The following MED12L variants were observed in gnomAD, a reference collection of about 807,000 sequenced individuals.
MED12L encodes the protein mediator complex subunit 12L, also known as mediator of RNA polymerase II transcription subunit 12-like protein.
A neutral mutation model predicts 281.3 loss-of-function variants in MED12L; 60 were observed. The observed-to-expected ratio is 0.21, with a 90% CI of 0.17 to 0.26. The LOEUF (loss-of-function observed/expected upper bound fraction) is 0.26. Among genes scored for constraint, MED12L ranks in the 10% least tolerant of loss-of-function variants. MED12L has a pLI of 1.00. For synonymous variants in MED12L, 974 were observed against 987.2 expected, an observed-to-expected ratio of 0.99 and a Z score of 0.25; for missense variants, 2,146 against 2,680.9, an observed-to-expected ratio of 0.80 and a Z score of 4.41.
At chr3:151,153,570 T>TC (rs1718864966) in intron 5 of MED12L, among the ~76,000 whole-genome samples, 1 of 140,404 alleles carries the variant, frequency 7.1e-6, no homozygotes, top group African/African-American at 2.7e-5. Context: ...CTTTCTTTTT[T>TC]TTTTTTTTTT....
At chr3:151,363,142 G>C (rs143421764) in intron 21 of MED12L, among the ~76,000 whole-genome samples, 1 of 152,060 alleles carries the variant, frequency 6.6e-6, no homozygotes, top group African/African-American at 2.4e-5. Flanking sequence ...AGTGAATAGA[G>C]TAATTACTCA....
At chr3:151,390,282 GT>G (rs56194873) in intron 38 of MED12L, 147 bp downstream of exon 38, 235,157 of 742,588 alleles carry the variant, frequency 0.32, 41,265 homozygotes, top group Non-Finnish European at 0.36. Flanking sequence ...ACACAGAAAT[GT>G]TTTTTGTTTT....
At chr3:151,412,523 C>T (rs896451295) in intron 41 of MED12L, among the ~76,000 whole-genome samples, 1 of 152,138 alleles carries the variant, frequency 6.6e-6, no homozygotes, top group African/African-American at 2.4e-5. Flanking sequence ...GGCTGCATGA[C>T]GACTCCAAGT....
chr3:151,199,460 G>C, intron 16 of MED12L: 1 of 1,284,930 alleles, frequency 7.8e-7, no homozygotes, highest in South Asian at 1.4e-5. Context: ...AACAAGGAAA[G>C]GGAGGTTAGT....
At chr3:151,384,998 T>C in intron 35 of MED12L, 32 bp from the exon 36 acceptor site, 1 of 1,199,764 alleles carries the variant, frequency 8.3e-7, no homozygotes, top group Non-Finnish European at 1.2e-6. Flanking sequence ...CTGTCCCACT[T>C]CTCACTCTCT....
At chr3:151,323,917 G>A (rs183334065) in intron 16 of MED12L, among the ~76,000 whole-genome samples, 16 of 152,342 alleles carry the variant, frequency 1.1e-4, no homozygotes, top group South Asian at 2.1e-4. Context: ...TCATACCCCT[G>A]AGGTTGTTGA....
Position 151,411,441 on chromosome 3 carries a change from A to C in MED12L, c.6074A>C (p.Gln2025Pro). Reference sequence around the variant, plus strand: ...ATGGAAAGACTCAGACAGATTCAGCAGCAGCCGAGTGGCTATGTTCAGCAG... The same window carrying C: ...ATGGAAAGACTCAGACAGATTCAGCCGCAGCCGAGTGGCTATGTTCAGCAG... The part of the protein sequence containing the change: ...VLMERLRQIQ[Q>P]QPSGYVQQQA... Residue 2025 changes from glutamine to proline, a missense_variant, in exon 41 of 45, where the codon CAG (glutamine) becomes CCG (proline). By Grantham distance (76) the Gln-to-Pro change is moderately conservative (BLOSUM62 -1). Transcript: ENST00000687756. 6.2e-7 allele frequency: 1 copy of C among 1,614,220 alleles called. No individual in the cohort carries two copies. The highest frequency in any genetic ancestry group is 1.3e-5 in the African/African-American group (1 of 75,054).
intron 23 of MED12L, 29 bp from the exon 24 acceptor site, chr3:151,367,617 A>G: frequency 6.3e-7 from 1 of 1,588,894 alleles, no homozygotes; most frequent in Non-Finnish European, 8.6e-7. Flanking sequence ...GTTGTTAGGT[A>G]TTAAAACCTG....
intron 16 of MED12L, among the ~76,000 whole-genome samples, chr3:151,236,651 G>T (rs149628051): frequency 6.6e-6 from 1 of 151,966 alleles, no homozygotes; most frequent in Non-Finnish European, 1.5e-5. Context: ...ACAAATTTTT[G>T]TAACATCTAT....
intron 16 of MED12L, among the ~76,000 whole-genome samples, chr3:151,237,495 G>T (rs1464956028): frequency 6.6e-6 from 1 of 151,276 alleles, no homozygotes; most frequent in Admixed American, 6.6e-5. Flanking sequence ...GACTACAGGT[G>T]CCCGCCACCA....
intron 16 of MED12L, among the ~76,000 whole-genome samples, chr3:151,225,915 T>A (rs1347701030): frequency 6.6e-6 from 1 of 152,218 alleles, no homozygotes; most frequent in Non-Finnish European, 1.5e-5. Flanking sequence ...CTTGTTGAAA[T>A]CTGCTGTTTA....
At chr3:151,203,182 C>T (rs953241856) in intron 16 of MED12L, 3 of 152,204 alleles carry the variant, frequency 2.0e-5, no homozygotes, top group African/African-American at 7.2e-5. Context: ...TTAGCCGCAG[C>T]AGTAGCAACC....
chr3:151,113,652 G>C (rs1011883549), intron 2 of MED12L, among the ~76,000 whole-genome samples: 2 of 152,202 alleles, frequency 1.3e-5, no homozygotes, highest in African/African-American at 4.8e-5. Flanking sequence ...AGAATGCAAA[G>C]TTTAAACTTC....
At chr3:151,423,748 T>A (rs888433579) in intron 43 of MED12L, among the ~76,000 whole-genome samples, 12 of 152,250 alleles carry the variant, frequency 7.9e-5, no homozygotes, top group Admixed American at 1.3e-4. Flanking sequence ...ATCTATTCTT[T>A]AAAACTACTT....
intron 13 of MED12L, 35 bp downstream of exon 13, chr3:151,188,515 A>T (rs1452190456): frequency 6.5e-7 from 1 of 1,541,742 alleles, no homozygotes; most frequent in Non-Finnish European, 8.7e-7. Context: ...CTAGATCTTA[A>T]ATAAGGGATT....
chr3:151,118,648 CTTT>C (rs67417533), intron 3 of MED12L, among the ~76,000 whole-genome samples: 3 of 137,438 alleles, frequency 2.2e-5, no homozygotes, highest in African/African-American at 5.4e-5. Context: ...ATCTCCAGAA[CTTT>C]TTTTTTTTTT....
intron 16 of MED12L, among the ~76,000 whole-genome samples, chr3:151,201,593 A>T (rs1175141231): frequency 1.3e-5 from 2 of 152,214 alleles, no homozygotes; most frequent in Non-Finnish European, 2.9e-5. Context: ...CTTATTGGTC[A>T]TCTTCTAAGC....
At chr3:151,132,589 G>A (rs914561163) in intron 5 of MED12L, among the ~76,000 whole-genome samples, 1 of 152,112 alleles carries the variant, frequency 6.6e-6, no homozygotes, top group Non-Finnish European at 1.5e-5. Flanking sequence ...TTTGGGTAAG[G>A]TGGTGTCTAT....
intron 5 of MED12L, among the ~76,000 whole-genome samples, chr3:151,145,660 T>A (rs1446911685): frequency 6.6e-6 from 1 of 152,214 alleles, no homozygotes; most frequent in Admixed American, 6.5e-5. Context: ...GATCTCTTTC[T>A]TACACTTGGA....
Sources: allele counts gnomAD v4.1 joint callset (sites outside exome capture counted in the v4.1 genomes callset), GRCh38; gene constraint gnomAD v4.1.1; transcripts MANE v1.5; gene names NCBI Gene and HGNC (gene_info 2026-07-23, HGNC 2026-07-21).